The following ZBTB46 variants were observed in gnomAD, a reference collection of about 807,000 sequenced individuals.
ZBTB46 encodes the protein zinc finger and BTB domain-containing protein 46.
In ZBTB46, 8 loss-of-function variants were observed where a neutral mutation model predicts 44.1. That is an observed-to-expected ratio of 0.18 (90% CI 0.11 to 0.33). ZBTB46 has a LOEUF of 0.33. ZBTB46 is among the 10% of genes least tolerant of loss of function. ZBTB46 has a pLI of 1.00. For missense variants in ZBTB46, 651 were observed against 847.7 expected, an observed-to-expected ratio of 0.77 and a Z score of 2.88; for synonymous variants, 409 against 382.3, an observed-to-expected ratio of 1.07 and a Z score of -0.81.
At chr20:63,776,038 G>C (rs1463243210) in intron 2 of ZBTB46, 76 bp from the exon 3 acceptor site, 8 of 1,467,354 alleles carry the variant, frequency 5.5e-6, no homozygotes, top group Non-Finnish European at 7.2e-6. Flanking sequence ...GACACATTTA[G>C]AAGGACAGCG....
chr20:63,812,365 C>T (rs575852820), intron 1 of ZBTB46, among the ~76,000 whole-genome samples: 47 of 151,334 alleles, frequency 3.1e-4, no homozygotes, highest in African/African-American at 7.8e-4. Context: ...AAAAATTAGC[C>T]GGGCAATGTG....
intron 3 of ZBTB46, among the ~76,000 whole-genome samples, chr20:63,758,036 T>C (rs2092238072): frequency 1.0e-5 from 1 of 97,038 alleles, no homozygotes; most frequent in Non-Finnish European, 2.0e-5. Context: ...TCACACTCCC[T>C]CCACCCGCCC....
At chr20:63,783,150 C>G (rs998658270) in intron 2 of ZBTB46, among the ~76,000 whole-genome samples, 1 of 151,850 alleles carries the variant, frequency 6.6e-6, no homozygotes, top group African/African-American at 2.4e-5. Flanking sequence ...AAAAACACAG[C>G]TGGGCGTGGT....
intron 3 of ZBTB46, among the ~76,000 whole-genome samples, chr20:63,772,091 T>C (rs2092380026): frequency 6.7e-6 from 1 of 149,448 alleles, no homozygotes. Flanking sequence ...TCCTTCCAGG[T>C]TCAAGCGATT....
chr20:63,800,199 C>T (rs1382505524), intron 1 of ZBTB46, among the ~76,000 whole-genome samples: 2 of 152,228 alleles, frequency 1.3e-5, no homozygotes, highest in Non-Finnish European at 2.9e-5. Context: ...GTCACATCCA[C>T]GCCACACGGA....
intron 1 of ZBTB46, among the ~76,000 whole-genome samples, chr20:63,805,842 G>A (rs58150746): frequency 0.18 from 27,201 of 151,372 alleles, 2,973 homozygotes; most frequent in East Asian, 0.45. Context: ...TGAAGCCTTC[G>A]GCTCACTGCA....
At chr20:63,774,999 G>A (rs2092412170) in intron 3 of ZBTB46, among the ~76,000 whole-genome samples, 1 of 152,112 alleles carries the variant, frequency 6.6e-6, no homozygotes, top group South Asian at 2.1e-4. Context: ...CACCGCGCCC[G>A]GCCCCTTTGT....
intron 2 of ZBTB46, among the ~76,000 whole-genome samples, chr20:63,779,641 C>T (rs572530549): frequency 5.3e-5 from 8 of 152,012 alleles, no homozygotes; most frequent in South Asian, 2.1e-4. Context: ...AAGATGGTCT[C>T]GATCTCTTGA....
At chr20:63,825,269 C>T (rs1375106107) in intron 1 of ZBTB46, among the ~76,000 whole-genome samples, 3 of 151,720 alleles carry the variant, frequency 2.0e-5, no homozygotes, top group Admixed American at 1.3e-4. Flanking sequence ...GGCGTGGTGG[C>T]GGATGCCCAT....
Position 63,828,374 on chromosome 20 carries a change from T to A in ZBTB46, c.-34+2723A>T, listed in dbSNP as rs2092830830. Among the ~76,000 whole-genome samples the A allele has an allele frequency of 2.6e-5, 4 of 152,376 alleles. No homozygotes were observed. In the South Asian group the frequency reaches 8.3e-4, roughly 32 times the overall value. On this transcript the variant is annotated intron_variant, in intron 1 of 4. Transcript: ENST00000245663. ...GGCGGCGGCCTCTCAAAGCCCTGAA[T>A]AAGTCTGTGGCCTTAATAGAGATTT... is the stretch of plus-strand genomic sequence containing the variant.
At chr20:63,826,538 T>C (rs8120143) in intron 1 of ZBTB46, among the ~76,000 whole-genome samples, 1 of 148,680 alleles carries the variant, frequency 6.7e-6, no homozygotes. Flanking sequence ...CTGGCTAACA[T>C]GGTGAAACCC....
intron 3 of ZBTB46, among the ~76,000 whole-genome samples, chr20:63,760,438 A>G (rs1291840119): frequency 6.6e-6 from 1 of 151,586 alleles, no homozygotes; most frequent in East Asian, 1.9e-4. Flanking sequence ...ATATCCGTTG[A>G]TCACTTTTCA....
chr20:63,747,536 T>TG (rs1190205076), intron 4 of ZBTB46, among the ~76,000 whole-genome samples: 6 of 9,254 alleles, frequency 6.5e-4, no homozygotes, highest in South Asian at 2.8e-3. Context: ...GCCTGGTGGG[T>TG]GGGGGGGGTG....
rs772136053 is a variant in ZBTB46, at chr20:63,752,880, C to T, written c.1223-19G>A. On this transcript the variant is annotated intron_variant, in intron 3 of 4. Transcript: ENST00000245663. This position sits in a 1 kb window ranked among gnomAD's most constrained non-coding sequence, Gnocchi z 5.6. ...TCATTCACTGAAAGAGAGGGACCCG[C>T]GAGGCGTCAGCAGGGCTTGGGATGT... The T allele has an allele frequency of 1.5e-4, 238 of 1,583,474 alleles. 3 individuals are homozygous for T. In the South Asian group the frequency reaches 2.5e-3, roughly 17 times the overall value.
chr20:63,819,655 C>G (rs1329541661), intron 1 of ZBTB46, among the ~76,000 whole-genome samples: 1 of 152,198 alleles, frequency 6.6e-6, no homozygotes, highest in Non-Finnish European at 1.5e-5. Flanking sequence ...AACCACTTCT[C>G]GGCCTCCCTG....
At position 63,829,462 on chromosome 20, in the gene ZBTB46, C is replaced by T. The variant is rs554670797; in HGVS notation, c.-34+1635G>A. On this transcript the variant is annotated intron_variant, in intron 1 of 4. Coordinates refer to ENST00000245663, the MANE Select transcript of ZBTB46 (RefSeq NM_001369741.1). ...AACACCTCAAAGTGAGTGCATTCCA[C>T]GCCCCAAGGAGAAATCTGACAGTAA... Among the ~76,000 whole-genome samples, 83 of 152,384 alleles carry T rather than the reference C, an allele frequency of 5.4e-4. 1 individual carries two copies. The highest frequency in any genetic ancestry group is 1.8e-3 in the African/African-American group (76 of 41,590).
intron 4 of ZBTB46, among the ~76,000 whole-genome samples, chr20:63,749,783 C>G (rs1358092092): frequency 3.3e-5 from 5 of 152,180 alleles, no homozygotes; most frequent in African/African-American, 7.2e-5. Context: ...CCCTTGAGGC[C>G]TAGGCTCCCA....
chr20:63,822,856 A>G (rs1191158394), intron 1 of ZBTB46, among the ~76,000 whole-genome samples: 1 of 151,656 alleles, frequency 6.6e-6, no homozygotes, highest in Non-Finnish European at 1.5e-5. Context: ...TGTACAAAAC[A>G]TGTTTTAAAA....
intron 3 of ZBTB46, among the ~76,000 whole-genome samples, chr20:63,773,551 C>G (rs2092394344): frequency 6.6e-6 from 1 of 152,136 alleles, no homozygotes; most frequent in Non-Finnish European, 1.5e-5. Flanking sequence ...TCTGAGAGAT[C>G]CACAGGAAAC....
Sources: gnomAD v4.1 joint callset for allele counts (sites outside exome capture counted in the v4.1 genomes callset) on GRCh38, gnomAD v4.1.1 for gene constraint, Gnocchi (gnomAD v3.1) non-coding constraint, MANE v1.5 for transcripts, NCBI Gene and HGNC (gene_info 2026-07-23, HGNC 2026-07-21) for gene names.